NCOA2: variants seen among roughly 807,000 people sequenced by gnomAD.
The protein encoded by NCOA2 is nuclear receptor coactivator 2, also known as class E basic helix-loop-helix protein 75.
A neutral mutation model predicts 145.1 loss-of-function variants in NCOA2; 21 were observed. That is an observed-to-expected ratio of 0.14 (90% CI 0.10 to 0.21). NCOA2 has a LOEUF of 0.21. NCOA2 is among the 10% of genes least tolerant of loss of function. The pLI is 1.00. For synonymous variants in NCOA2, 619 were observed against 637.5 expected (o/e 0.97, Z 0.44); for missense variants, 1,472 against 1,837.6 (o/e 0.80, Z 3.64).
intron 2 of NCOA2, among the ~76,000 whole-genome samples, chr8:70,246,163 G>A (rs1429862178): frequency 6.6e-6 from 1 of 152,016 alleles, no homozygotes; most frequent in Non-Finnish European, 1.5e-5. Flanking sequence ...ACACACAGAG[G>A]CTGCTCCATG....
intron 6 of NCOA2, among the ~76,000 whole-genome samples, chr8:70,168,984 G>A (rs188742668): frequency 5.3e-5 from 8 of 152,248 alleles, no homozygotes; most frequent in Non-Finnish European, 1.0e-4. Flanking sequence ...GGAAAAGCTA[G>A]CCCGAATGAA....
chr8:70,289,846 A>G (rs879468097), intron 2 of NCOA2, among the ~76,000 whole-genome samples: 1 of 151,722 alleles, frequency 6.6e-6, no homozygotes, highest in Non-Finnish European at 1.5e-5. Context: ...TCTTTAAGAG[A>G]CTGGATCTTG....
At chr8:70,348,247 G>C (rs1808858797) in intron 1 of NCOA2, among the ~76,000 whole-genome samples, 1 of 152,210 alleles carries the variant, frequency 6.6e-6, no homozygotes, top group South Asian at 2.1e-4. Flanking sequence ...GGCATTCCCT[G>C]AAGAGCAAAC....
intron 1 of NCOA2, among the ~76,000 whole-genome samples, chr8:70,301,370 G>A (rs1359490463): frequency 6.6e-6 from 1 of 152,004 alleles, no homozygotes; most frequent in Non-Finnish European, 1.5e-5. Flanking sequence ...AGATATGTCT[G>A]TTGCAGGGCA....
chr8:70,140,259 C>T (rs763507138), intron 14 of NCOA2, among the ~76,000 whole-genome samples: 40 of 152,194 alleles, frequency 2.6e-4, no homozygotes, highest in Non-Finnish European at 5.0e-4. Flanking sequence ...TCACTCCCTA[C>T]TTCCTACCTG....
At chr8:70,297,232 G>T (rs552483499) in intron 1 of NCOA2, among the ~76,000 whole-genome samples, 55 of 140,666 alleles carry the variant, frequency 3.9e-4, no homozygotes, top group Non-Finnish European at 6.6e-4. Context: ...AATAAATAAA[G>T]AAAGTTCCCA....
At chr8:70,335,027 G>A (rs1353439298) in intron 1 of NCOA2, among the ~76,000 whole-genome samples, 1 of 148,008 alleles carries the variant, frequency 6.8e-6, no homozygotes. Context: ...GTAAGCTGAG[G>A]CAGGAAAATC....
intron 1 of NCOA2, among the ~76,000 whole-genome samples, chr8:70,347,699 T>C (rs1316380090): frequency 1.3e-5 from 2 of 151,998 alleles, no homozygotes; most frequent in South Asian, 2.1e-4. Flanking sequence ...TAGAGGTAGA[T>C]ATAACCTAGC....
At chr8:70,403,347 C>T (rs1016986018) in intron 1 of NCOA2, among the ~76,000 whole-genome samples, 5 of 151,018 alleles carry the variant, frequency 3.3e-5, no homozygotes, top group Admixed American at 2.6e-4. Context: ...TCGCCCGCGC[C>T]GCGGGCTGCA....
intron 22 of NCOA2, among the ~76,000 whole-genome samples, chr8:70,116,729 A>C (rs1465072006): frequency 1.3e-5 from 2 of 152,336 alleles, no homozygotes; most frequent in East Asian, 3.9e-4. Context: ...ATTATTCTCT[A>C]AAGCAAATGA....
intron 2 of NCOA2, among the ~76,000 whole-genome samples, chr8:70,222,651 C>T (rs1820254631): frequency 6.6e-6 from 1 of 152,170 alleles, no homozygotes; most frequent in Non-Finnish European, 1.5e-5. Flanking sequence ...GTAATAAACA[C>T]ATTAGGCTGC....
intron 1 of NCOA2, among the ~76,000 whole-genome samples, chr8:70,337,804 CA>C (rs1807753837): frequency 6.6e-6 from 1 of 152,142 alleles, no homozygotes; most frequent in African/African-American, 2.4e-5. Context: ...CTCAAAACCA[CA>C]AAACTACATG....
intron 1 of NCOA2, among the ~76,000 whole-genome samples, chr8:70,359,388 C>A (rs76129315): frequency 0.032 from 4,865 of 152,106 alleles, 249 homozygotes; most frequent in African/African-American, 0.11. Context: ...ATTATTCAGA[C>A]ATAGAAAGGA....
At chr8:70,314,792 G>C (rs1256771952) in intron 1 of NCOA2, among the ~76,000 whole-genome samples, 1 of 152,158 alleles carries the variant, frequency 6.6e-6, no homozygotes, top group African/African-American at 2.4e-5. Flanking sequence ...GTTATATAAT[G>C]AATTGAGAAT....
intron 4 of NCOA2, among the ~76,000 whole-genome samples, chr8:70,199,321 G>A (rs1817654111): frequency 6.6e-6 from 1 of 151,734 alleles, no homozygotes; most frequent in Non-Finnish European, 1.5e-5. Flanking sequence ...TGTGGTGGTG[G>A]GTGCCTGTAG....
At chr8:70,114,919 T>A (rs2131180539) in intron 22 of NCOA2, among the ~76,000 whole-genome samples, 1 of 152,328 alleles carries the variant, frequency 6.6e-6, no homozygotes, top group East Asian at 1.9e-4. Context: ...CCTGATCAGG[T>A]GCACAATTCT....
At chr8:70,431,142 T>A in the NCOA2 span, among the ~76,000 whole-genome samples, 2 of 152,084 alleles carry the variant, frequency 1.3e-5, no homozygotes, top group African/African-American at 4.8e-5. Context: ...TGGCTGAGAA[T>A]CTCAAAAATG....
intron 2 of NCOA2, among the ~76,000 whole-genome samples, chr8:70,284,950 C>T (rs573029607): frequency 9.9e-5 from 15 of 152,134 alleles, no homozygotes; most frequent in East Asian, 3.9e-4. Context: ...AGAATCTATA[C>T]GGGGAGAACA....
chr8:70,449,716 C>A, the NCOA2 span, among the ~76,000 whole-genome samples: 1 of 152,308 alleles, frequency 6.6e-6, no homozygotes, highest in East Asian at 1.9e-4. Flanking sequence ...AGCCAGAGAG[C>A]AAAGGCAGAG....
Sources: gnomAD v4.1 joint callset for allele counts (sites outside exome capture counted in the v4.1 genomes callset) on GRCh38, gnomAD v4.1.1 for gene constraint, MANE v1.5 for transcripts, NCBI Gene and HGNC (gene_info 2026-07-23, HGNC 2026-07-21) for gene names.